HNRNPK: variants seen among roughly 807,000 people sequenced by gnomAD.
HNRNPK encodes dC-stretch binding protein.
In HNRNPK, 7 loss-of-function variants were observed where a neutral mutation model predicts 67.0. The ratio of observed to expected loss-of-function variants is 0.10; its 90% CI spans 0.06 to 0.20. The LOEUF (loss-of-function observed/expected upper bound fraction) is 0.20, where lower values mean the gene tolerates loss of function less well. Among genes scored for constraint, HNRNPK ranks in the 10% least tolerant of loss-of-function variants. The pLI is 1.00. For missense variants in HNRNPK, 264 were observed against 606.5 expected (o/e 0.44, Z 5.93); for synonymous variants, 213 against 193.7 (o/e 1.10, Z -0.83).
At chr9:83,973,201 G>C in intron 9 of HNRNPK, 85 bp downstream of exon 9, 4 of 856,234 alleles carry the variant, frequency 4.7e-6, no homozygotes, top group Non-Finnish European at 7.9e-6. Context: ...GAACTGAGAG[G>C]GGAAGCGAGA....
At chr9:83,974,083 A>T in intron 7 of HNRNPK, 110 bp from the exon 8 acceptor site, 3 of 638,080 alleles carry the variant, frequency 4.7e-6, no homozygotes. Flanking sequence ...ATTATTAAAT[A>T]ATGAGAAACT....
At chr9:83,973,816 G>A (rs1343446030) in intron 8 of HNRNPK, 86 bp downstream of exon 8, 2 of 1,005,946 alleles carry the variant, frequency 2.0e-6, no homozygotes, top group African/African-American at 1.6e-5. Context: ...CTATAGAGAT[G>A]GGAAAAGCAC....
intron 8 of HNRNPK, among the ~76,000 whole-genome samples, chr9:83,973,655 T>A (rs1956951671): frequency 6.6e-6 from 1 of 152,218 alleles, no homozygotes; most frequent in Non-Finnish European, 1.5e-5. Flanking sequence ...CATGTCGCTG[T>A]TACCACAAAA....
At chr9:83,975,381 T>C (rs1957030586) in intron 6 of HNRNPK, 81 bp downstream of exon 6, 3 of 1,215,094 alleles carry the variant, frequency 2.5e-6, no homozygotes, top group Admixed American at 3.5e-5. Flanking sequence ...GGGGATACTA[T>C]TTAATTATAT....
Position 83,973,379 on chromosome 9 carries a change from A to T in HNRNPK, c.423T>A (p.Ser141Arg). 6.2e-7 allele frequency: 1 copy of T among 1,604,706 alleles called. No individual in the cohort carries two copies. The highest frequency in any genetic ancestry group is 8.5e-7 in the Non-Finnish European group (1 of 1,171,572). ...ECLNYQHYKG[S>R]DFDCELRLLI... ...ACAGCCTCAACTCGCAGTCAAAGTCACTTCCTTTATAGTGTTGGTACTGTG... is the reference window on the plus strand; with the variant it reads ...ACAGCCTCAACTCGCAGTCAAAGTCTCTTCCTTTATAGTGTTGGTACTGTG... The change falls in exon 9 of 17, where the codon AGT becomes AGA. Residue 141 changes from serine (S) to arginine (R), a missense_variant. Physicochemically the swap from Ser to Arg is moderately radical, Grantham distance 110. This residue lies in a region of HNRNPK where 18 missense variants were observed against 84.5 expected (regional missense o/e 0.21). Coordinates refer to ENST00000376263, the MANE Select transcript of HNRNPK (RefSeq NM_031263.4).
At position 83,972,166 on chromosome 9, in the gene HNRNPK, C is replaced by T. The variant is rs1343633196; in HGVS notation, c.669G>A (p.Gln223=). The T allele has an allele frequency of 4.4e-6, 7 of 1,606,390 alleles. No homozygotes were observed. Among genetic ancestry groups the T allele is most frequent in the Non-Finnish European group, 6.0e-6 (7 of 1,175,938 alleles). The change falls in exon 11 of 17, where the codon CAG becomes CAA. Residue 223 remains glutamine (Q), a synonymous_variant. Transcript: ENST00000376263. ...CATCGTAAAAATTGGGATCATAAGG[C>T]TGTGCACGTCCTTTGATGGGAGACT... ...ISESPIKGRA[Q]PYDPNFYDET... is the part of the protein sequence containing the mutation.
chr9:83,973,932 C>T lies in HNRNPK; in HGVS notation c.372G>A (p.Pro124=), dbSNP rs764991399. Residue 124 remains proline, a synonymous_variant, in exon 8 of 17, where the codon CCG becomes CCA. Transcript: ENST00000376263. The part of the protein sequence containing the change: ...LPSPTATSQL[P]LESDAVECLN... Reference sequence around the variant, plus strand: ...AGCATTCCACAGCATCAGATTCGAGCGGGAGCTGGCTGGTTGCAGTGGGTG... The same window carrying T: ...AGCATTCCACAGCATCAGATTCGAGTGGGAGCTGGCTGGTTGCAGTGGGTG... 1.2e-6 allele frequency: 2 copies of T among 1,613,716 alleles called. No homozygotes were observed. Among genetic ancestry groups the T allele is most frequent in the Non-Finnish European group, 1.7e-6 (2 of 1,179,796 alleles).
At chr9:83,971,583 T>C (rs1030332187) in intron 12 of HNRNPK, 89 bp downstream of exon 12, 2 of 1,114,780 alleles carry the variant, frequency 1.8e-6, no homozygotes, top group Non-Finnish European at 2.7e-6. Flanking sequence ...AGAAAAACTT[T>C]TTAATCACTA....
chr9:83,974,270 T>A (rs1274674852), intron 7 of HNRNPK, among the ~76,000 whole-genome samples: 1 of 145,574 alleles, frequency 6.9e-6, no homozygotes, highest in Non-Finnish European at 1.5e-5. Context: ...ATAAAATACA[T>A]ACTAAACCCA....
chr9:83,971,612 G>A (rs533301393), intron 12 of HNRNPK, 60 bp downstream of exon 12: 3 of 1,361,238 alleles, frequency 2.2e-6, no homozygotes, highest in East Asian at 4.6e-5. Flanking sequence ...AACAAAACGT[G>A]AACTACATTG....
At chr9:83,976,028 C>T (rs982935117) in intron 5 of HNRNPK, among the ~76,000 whole-genome samples, 3 of 152,016 alleles carry the variant, frequency 2.0e-5, no homozygotes, top group Non-Finnish European at 4.4e-5. Context: ...TTATACAGAA[C>T]ATCTGGATTA....
chr9:83,975,366 C>G (rs1957030177), intron 6 of HNRNPK, 96 bp downstream of exon 6: 1 of 1,104,846 alleles, frequency 9.1e-7, no homozygotes, highest in African/African-American at 1.5e-5. Flanking sequence ...AATACACCGT[C>G]TAAAGGGGAT....
chr9:83,970,517 G>A, intron 15 of HNRNPK, 186 bp from the exon 16 acceptor site: 2 of 644,264 alleles, frequency 3.1e-6, no homozygotes, highest in Non-Finnish European at 5.3e-6. Flanking sequence ...GTTTCCCTTA[G>A]TTAGTTAAGG....
chr9:83,971,555 A>C, intron 12 of HNRNPK, 117 bp downstream of exon 12: 1 of 915,798 alleles, frequency 1.1e-6, no homozygotes, highest in Non-Finnish European at 1.8e-6. Flanking sequence ...CTAGTAATCC[A>C]AACAAAATTT....
In HNRNPK at chr9:83,972,153, T is replaced by C; in HGVS notation, c.682A>G (p.Asn228Asp). ...TAATCATAGGTTTCATCGTAAAAAT[T>C]GGGATCATAAGGCTGTGCACGTCCT... ...IKGRAQPYDP[N>D]FYDETYDYGG... is the part of the protein sequence containing the mutation. Residue 228 changes from asparagine to aspartate, a missense_variant, in exon 11 of 17, where the codon AAT becomes GAT. Coordinates refer to ENST00000376263, the MANE Select transcript of HNRNPK (RefSeq NM_031263.4). 1 of 1,612,828 alleles carries C rather than the reference T, an allele frequency of 6.2e-7. No individual in the cohort carries two copies.
intron 16 of HNRNPK, chr9:83,969,760 G>T: frequency 1.5e-6 from 1 of 659,606 alleles, no homozygotes; most frequent in Admixed American, 1.8e-5. Context: ...GTAGAGGCAT[G>T]GCCTGTGCCA....
In HNRNPK at chr9:83,978,103, T is replaced by C. The variant is rs932684989; in HGVS notation, c.58+92A>G. Reference sequence around the variant, plus strand: ...ATTACATAAACAGTAATACCAAAAATTCACCACACACTCCTAAGGCAATAA... The same window carrying C: ...ATTACATAAACAGTAATACCAAAAACTCACCACACACTCCTAAGGCAATAA... On this transcript the variant is annotated intron_variant, in intron 3 of 16. Coordinates refer to ENST00000376263, the MANE Select transcript of HNRNPK (RefSeq NM_031263.4). The C allele has an allele frequency of 1.2e-5, 10 of 821,382 alleles. No homozygotes were observed. In the African/African-American group the frequency reaches 1.5e-4, roughly 13 times the overall value. 50.9% of individuals were successfully genotyped at this position (821,382 alleles called of 1,614,324 possible).
At chr9:83,974,629 G>A in intron 6 of HNRNPK, 40 bp from the exon 7 acceptor site, 11 of 1,435,620 alleles carry the variant, frequency 7.7e-6, no homozygotes, top group East Asian at 2.3e-5. Flanking sequence ...CAAAAAAGGT[G>A]GAAAAGAAAA....
Position 83,970,861 on chromosome 9 carries a change from A to T in HNRNPK, c.1108+36T>A, listed in dbSNP as rs11140312. 5.3e-3 allele frequency: 8,594 copies of T among 1,610,594 alleles called. 212 individuals carry two copies. Among genetic ancestry groups the T allele is most frequent in the East Asian group, 0.031 (1,396 of 44,844 alleles). On this transcript the variant is annotated intron_variant, in intron 14 of 16. Transcript: ENST00000376263. ...GCAGTAAGTTCATTTAAAAAGTATG[A>T]AATTAATGTTTGACTTCACAAAGGA...
Sources: allele counts gnomAD v4.1 joint callset (sites outside exome capture counted in the v4.1 genomes callset), GRCh38; gene constraint gnomAD v4.1.1; regional missense constraint gnomAD v4.1.1; transcripts MANE v1.5; gene names NCBI Gene and HGNC (gene_info 2026-07-23, HGNC 2026-07-21).